GPHN: variants seen among roughly 807,000 people sequenced by gnomAD.
GPHN encodes gephyrin.
In GPHN, 17 loss-of-function variants were observed where a neutral mutation model predicts 95.5. That is an observed-to-expected ratio of 0.18 (90% CI 0.12 to 0.27). The LOEUF is 0.27. Among genes scored for constraint, GPHN ranks in the 10% least tolerant of loss-of-function variants. The pLI, the probability that GPHN is intolerant of heterozygous loss-of-function variation, is 1.00. For missense variants in GPHN, 660 were observed against 978.1 expected (o/e 0.67, Z 4.34); for synonymous variants, 320 against 322.5 (o/e 0.99, Z 0.08).
intron 1 of GPHN, among the ~76,000 whole-genome samples, chr14:66,527,644 C>G (rs1370907312): frequency 6.6e-6 from 1 of 152,114 alleles, no homozygotes; most frequent in Admixed American, 6.5e-5. Flanking sequence ...TTAGCTGTGT[C>G]CCAGAGATTC....
At chr14:66,540,419 G>T (rs748085835) in intron 1 of GPHN, among the ~76,000 whole-genome samples, 4 of 152,156 alleles carry the variant, frequency 2.6e-5, no homozygotes, top group Non-Finnish European at 4.4e-5. Flanking sequence ...CCTTTTGAAG[G>T]AAAGTGGAGT....
the GPHN span, among the ~76,000 whole-genome samples, chr14:67,464,578 C>A: frequency 6.6e-6 from 1 of 152,170 alleles, no homozygotes; most frequent in African/African-American, 2.4e-5. Flanking sequence ...AGCTCATTCG[C>A]ATCTTTGCCT....
At chr14:66,830,345 A>G (rs1473109937) in intron 4 of GPHN, among the ~76,000 whole-genome samples, 2 of 152,152 alleles carry the variant, frequency 1.3e-5, no homozygotes, top group African/African-American at 2.4e-5. Flanking sequence ...TCAATAGACA[A>G]TATAGCCTAA....
the GPHN span, chr14:67,320,149 T>G: frequency 6.8e-6 from 9 of 1,315,664 alleles, no homozygotes; most frequent in South Asian, 1.5e-4. Flanking sequence ...TGTCTAATTT[T>G]GGGTGAAGAT....
the GPHN span, among the ~76,000 whole-genome samples, chr14:67,504,001 C>T: frequency 6.8e-6 from 1 of 148,018 alleles, no homozygotes; most frequent in Admixed American, 6.8e-5. Flanking sequence ...TGTGCCCAGC[C>T]TATTTTTTAA....
chr14:66,765,165 A>C (rs2153455064), intron 2 of GPHN, among the ~76,000 whole-genome samples: 1 of 152,372 alleles, frequency 6.6e-6, no homozygotes, highest in African/African-American at 2.4e-5. Flanking sequence ...GTCAAAAAAG[A>C]ACAGGTACTG....
chr14:67,323,261 G>GTGTGTGTGTGTGTGTA, the GPHN span, among the ~76,000 whole-genome samples: 117 of 124,182 alleles, frequency 9.4e-4, no homozygotes, highest in African/African-American at 2.4e-3. Flanking sequence ...GTGTGTGTGT[G>GTGTGTGTGTGTGTGTA]TATATATATA....
chr14:66,954,161 G>A (rs1373155263), intron 8 of GPHN, among the ~76,000 whole-genome samples: 1 of 151,990 alleles, frequency 6.6e-6, no homozygotes. Flanking sequence ...AGGTTTTTCT[G>A]TTTCTGCAAA....
At chr14:67,471,644 A>T in the GPHN span, 4 of 152,180 alleles carry the variant, frequency 2.6e-5, no homozygotes, top group African/African-American at 9.7e-5. Flanking sequence ...TAGGCTAGGA[A>T]ATACCCTTCG....
chr14:66,615,054 T>C (rs1242752318), intron 1 of GPHN, among the ~76,000 whole-genome samples: 1 of 152,214 alleles, frequency 6.6e-6, no homozygotes, highest in East Asian at 1.9e-4. Context: ...CTCATTCTTT[T>C]TTATGGCTGC....
chr14:67,367,588 T>C, the GPHN span, among the ~76,000 whole-genome samples: 1 of 152,242 alleles, frequency 6.6e-6, no homozygotes, highest in Non-Finnish European at 1.5e-5. Context: ...ATAAATACGG[T>C]GCATGGAATG....
At chr14:66,973,150 T>TA (rs1567168630) in intron 9 of GPHN, among the ~76,000 whole-genome samples, 4 of 151,452 alleles carry the variant, frequency 2.6e-5, no homozygotes, top group South Asian at 2.1e-4. Flanking sequence ...ATATATATAT[T>TA]TTTTTTCCAT....
chr14:67,620,806 G>T, the GPHN span: 1 of 1,349,478 alleles, frequency 7.4e-7, no homozygotes, highest in African/African-American at 1.4e-5. Context: ...CAGGTTTTCA[G>T]AGGAACCTGC....
chr14:66,789,035 G>T (rs1194682952), intron 3 of GPHN, among the ~76,000 whole-genome samples: 1 of 152,144 alleles, frequency 6.6e-6, no homozygotes, highest in Admixed American at 6.5e-5. Flanking sequence ...TACAATTTTT[G>T]TTAAAGAGCA....
chr14:67,383,521 G>C, the GPHN span: 1 of 1,570,676 alleles, frequency 6.4e-7, no homozygotes, highest in Admixed American at 1.8e-5. Context: ...AAGTTTTCCA[G>C]TATTGAAAAC....
chr14:67,063,228 G>A (rs2075895673), intron 11 of GPHN, among the ~76,000 whole-genome samples: 1 of 152,188 alleles, frequency 6.6e-6, no homozygotes, highest in Non-Finnish European at 1.5e-5. Context: ...GATTGTCAAA[G>A]ATCAGATGGT....
downstream of GPHN, among the ~76,000 whole-genome samples, chr14:67,185,231 G>T (rs183960084): frequency 2.4e-4 from 36 of 152,292 alleles, no homozygotes; most frequent in African/African-American, 8.2e-4. Context: ...ACAGTGGTGG[G>T]CATGTTAACA....
chr14:67,110,269 CA>C lies in GPHN; in HGVS notation c.1413+11del. The C allele has an allele frequency of 6.2e-7, 1 of 1,613,188 alleles. No homozygotes were observed. The highest frequency in any genetic ancestry group is 8.5e-7 in the Non-Finnish European group (1 of 1,179,208). On this transcript the variant is annotated intron_variant, in intron 14 of 22. Transcript: ENST00000478722. Reference sequence around the variant, plus strand: ...CAGGGAATCAGATGATGTACGTCATCACCAAGTCTTACTGTGCTGTTGTTCC... The same window carrying C: ...CAGGGAATCAGATGATGTACGTCATCCCAAGTCTTACTGTGCTGTTGTTCC...
the GPHN span, chr14:67,321,385 C>A: frequency 2.4e-6 from 2 of 846,074 alleles, no homozygotes; most frequent in Non-Finnish European, 1.9e-6. Flanking sequence ...GTTTTTCCCA[C>A]TGATTTGCTA....
Sources: allele counts gnomAD v4.1 joint callset (sites outside exome capture counted in the v4.1 genomes callset), GRCh38; gene constraint gnomAD v4.1.1; transcripts MANE v1.5; gene names NCBI Gene and HGNC (gene_info 2026-07-23, HGNC 2026-07-21).